Variants in ANO2 observed in about 807,000 individuals in gnomAD.
The protein encoded by ANO2 is anoctamin-2.
A neutral mutation model predicts 124.2 loss-of-function variants in ANO2; 101 were observed. The observed-to-expected ratio is 0.81, with a 90% CI of 0.69 to 0.96. The LOEUF (loss-of-function observed/expected upper bound fraction) is 0.96. Among genes scored for constraint, ANO2 ranks in the 40% least tolerant of loss-of-function variants. The pLI, the probability that ANO2 is intolerant of heterozygous loss-of-function variation, is 0.00. For missense variants in ANO2, 1,293 were observed against 1,274.5 expected (o/e 1.01, Z -0.22); for synonymous variants, 486 against 482.5 (o/e 1.01, Z -0.09).
chr12:5,816,069 C>T (rs1348051046), intron 7 of ANO2, among the ~76,000 whole-genome samples: 1 of 151,202 alleles, frequency 6.6e-6, no homozygotes, highest in African/African-American at 2.4e-5. Context: ...AATGACCATA[C>T]AAAAGATAAT....
At chr12:5,759,357 A>T (rs1475263146) in intron 10 of ANO2, among the ~76,000 whole-genome samples, 1 of 152,114 alleles carries the variant, frequency 6.6e-6, no homozygotes, top group Non-Finnish European at 1.5e-5. Context: ...ATTATATAGG[A>T]TTTATAACCA....
At chr12:5,767,033 T>C (rs1951914330) in intron 10 of ANO2, among the ~76,000 whole-genome samples, 2 of 152,164 alleles carry the variant, frequency 1.3e-5, no homozygotes, top group African/African-American at 2.4e-5. Flanking sequence ...AGGAGATGAT[T>C]ACCATGGAGC....
At chr12:5,610,197 AC>A (rs1944432925) in intron 19 of ANO2, among the ~76,000 whole-genome samples, 4 of 130,308 alleles carry the variant, frequency 3.1e-5, no homozygotes, top group African/African-American at 1.2e-4. Context: ...ATAAATATAT[AC>A]TTATATAAAT....
rs1951995716 is a variant in ANO2, at chr12:5,769,191, C to T, written c.1056-18221G>A. Among the ~76,000 whole-genome samples the T allele has an allele frequency of 6.6e-6, 1 of 152,158 alleles. No individual in the cohort carries two copies. Among genetic ancestry groups the T allele is most frequent in the Admixed American group, 6.5e-5 (1 of 15,272 alleles). ...CCACTTTTAAGAAGAGGTTCCCTCT[C>T]TCCAACCAATCCTCTCTTTAAGAAG... On this transcript the variant is annotated intron_variant, in intron 10 of 24. Coordinates refer to ENST00000682330, the MANE Select transcript of ANO2 (RefSeq NM_001364791.2). This position sits in a 1 kb window ranked among gnomAD's most constrained non-coding sequence, Gnocchi z 4.0.
intron 7 of ANO2, among the ~76,000 whole-genome samples, chr12:5,808,992 A>G (rs1421831738): frequency 1.3e-5 from 2 of 152,180 alleles, no homozygotes; most frequent in East Asian, 1.9e-4. Context: ...TGCTCTTCCA[A>G]TGAGTTGAAA....
intron 14 of ANO2, among the ~76,000 whole-genome samples, chr12:5,651,173 T>C (rs1470175450): frequency 1.3e-5 from 2 of 152,236 alleles, no homozygotes; most frequent in African/African-American, 4.8e-5. Flanking sequence ...CTAGCTGTCC[T>C]CTGTGCTAGC....
chr12:5,935,493 C>T (rs2136321291), intron 1 of ANO2, among the ~76,000 whole-genome samples: 1 of 152,284 alleles, frequency 6.6e-6, no homozygotes, highest in South Asian at 2.1e-4. Flanking sequence ...ACTTCTCCTC[C>T]ACCAGGCTAC....
At chr12:5,731,392 T>G (rs1323276673) in intron 14 of ANO2, among the ~76,000 whole-genome samples, 2 of 152,056 alleles carry the variant, frequency 1.3e-5, no homozygotes, top group Non-Finnish European at 2.9e-5. Context: ...CATTTTGGGC[T>G]CGAAAACACC....
At chr12:5,717,414 A>G (rs917094803) in intron 14 of ANO2, among the ~76,000 whole-genome samples, 2 of 152,162 alleles carry the variant, frequency 1.3e-5, no homozygotes, top group Non-Finnish European at 2.9e-5. Flanking sequence ...ACCCCAAGGG[A>G]GTTGGTTTTG....
intron 4 of ANO2, among the ~76,000 whole-genome samples, chr12:5,842,510 T>C (rs1954544688): frequency 6.6e-6 from 1 of 152,132 alleles, no homozygotes; most frequent in African/African-American, 2.4e-5. Context: ...TTCCTGCCTA[T>C]TGCCCTTGGA....
At chr12:5,576,539 G>A (rs1160393835) in intron 22 of ANO2, among the ~76,000 whole-genome samples, 1 of 152,158 alleles carries the variant, frequency 6.6e-6, no homozygotes, top group Non-Finnish European at 1.5e-5. Flanking sequence ...TGTAATAGAA[G>A]TTATTCTTGT....
chr12:5,718,547 G>GGT (rs1288991192), intron 14 of ANO2, among the ~76,000 whole-genome samples: 1 of 152,238 alleles, frequency 6.6e-6, no homozygotes, highest in Non-Finnish European at 1.5e-5. Flanking sequence ...GAGGTGGGGG[G>GGT]AGGAAAGCAC....
At chr12:5,912,089 A>G (rs1941084707) in intron 3 of ANO2, among the ~76,000 whole-genome samples, 2 of 152,180 alleles carry the variant, frequency 1.3e-5, no homozygotes, top group Non-Finnish European at 1.5e-5. Context: ...GAGGAATCCT[A>G]GAGATCTCCA....
At chr12:5,625,195 G>C (rs930269501) in intron 16 of ANO2, among the ~76,000 whole-genome samples, 1 of 152,170 alleles carries the variant, frequency 6.6e-6, no homozygotes, top group African/African-American at 2.4e-5. Flanking sequence ...AATGGTGTGG[G>C]GGGGAGTGCG....
At chr12:5,923,021 CACACACACAT>C (rs978365612) in intron 1 of ANO2, among the ~76,000 whole-genome samples, 46 of 151,108 alleles carry the variant, frequency 3.0e-4, no homozygotes, top group South Asian at 4.2e-4. Context: ...TACACACACG[CACACACACAT>C]ACACACACAT....
chr12:5,677,858 T>C (rs3782620), intron 14 of ANO2, among the ~76,000 whole-genome samples: 76,286 of 151,990 alleles, frequency 0.5, 21,110 homozygotes, highest in Middle Eastern at 0.62. Context: ...GGCAATTTCC[T>C]TAGACGGCTC....
At chr12:5,945,696 T>TG (rs1943073821), upstream of ANO2, among the ~76,000 whole-genome samples, 3 of 151,956 alleles carry the variant, frequency 2.0e-5, no homozygotes, top group South Asian at 6.3e-4. Context: ...GGGGCGGGAG[T>TG]GGGGGCGAGC....
At chr12:5,668,640 G>T (rs1947851318) in intron 14 of ANO2, among the ~76,000 whole-genome samples, 1 of 152,090 alleles carries the variant, frequency 6.6e-6, no homozygotes, top group African/African-American at 2.4e-5. Flanking sequence ...GTCCTGAACG[G>T]TATTGCCTAG....
intron 19 of ANO2, among the ~76,000 whole-genome samples, chr12:5,611,692 A>G (rs1212779126): frequency 6.6e-6 from 1 of 152,212 alleles, no homozygotes; most frequent in Non-Finnish European, 1.5e-5. Flanking sequence ...ATTTGGAAAG[A>G]AAGTGATTTT....
Sources: allele counts gnomAD v4.1 joint callset (sites outside exome capture counted in the v4.1 genomes callset), GRCh38; gene constraint gnomAD v4.1.1; non-coding constraint Gnocchi (gnomAD v3.1); transcripts MANE v1.5; gene names NCBI Gene and HGNC (gene_info 2026-07-23, HGNC 2026-07-21).